NLGN1: variants seen among roughly 807,000 people sequenced by gnomAD.
NLGN1 encodes neuroligin 1.
NLGN1 carries 12 observed loss-of-function variants against 65.5 expected under a neutral mutation model. That is an observed-to-expected ratio of 0.18 (90% CI 0.12 to 0.30). The LOEUF (loss-of-function observed/expected upper bound fraction) is 0.30, where lower values mean the gene tolerates loss of function less well. Among genes scored for constraint, NLGN1 ranks in the 10% least tolerant of loss-of-function variants. NLGN1 has a pLI of 1.00. For missense variants in NLGN1, 750 were observed against 1,007.1 expected, an observed-to-expected ratio of 0.74 and a Z score of 3.46; for synonymous variants, 350 against 359.5, an observed-to-expected ratio of 0.97 and a Z score of 0.30.
chr3:174,285,438 A>G (rs1751999897), exon 7 of NLGN1: 1 of 151,438 alleles, frequency 6.6e-6, no homozygotes, highest in Non-Finnish European at 1.5e-5. Context: ...GTTATCATTC[A>G]TTTGATTATC....
chr3:173,511,118 G>A (rs1523341), intron 2 of NLGN1, among the ~76,000 whole-genome samples: 5 of 151,536 alleles, frequency 3.3e-5, no homozygotes, highest in African/African-American at 1.2e-4. Context: ...ATATGAAGGC[G>A]TCTCATTTAG....
intron 3 of NLGN1, among the ~76,000 whole-genome samples, chr3:173,654,949 A>G (rs1759762729): frequency 1.3e-5 from 2 of 152,196 alleles, no homozygotes; most frequent in South Asian, 4.1e-4. Context: ...GTGGTCACAG[A>G]TACTGAAGCC....
chr3:174,257,967 T>C (rs1746123219), intron 4 of NLGN1, among the ~76,000 whole-genome samples: 1 of 151,312 alleles, frequency 6.6e-6, no homozygotes, highest in African/African-American at 2.4e-5. Context: ...GTAATTTTAA[T>C]TCACATTCAT....
At chr3:173,565,509 A>G (rs908365515) in intron 2 of NLGN1, among the ~76,000 whole-genome samples, 1 of 152,186 alleles carries the variant, frequency 6.6e-6, no homozygotes, top group African/African-American at 2.4e-5. Context: ...AGAAAGCTAT[A>G]TATCTACTTC....
intron 2 of NLGN1, among the ~76,000 whole-genome samples, chr3:173,454,327 C>T (rs73036245): frequency 0.031 from 4,788 of 152,254 alleles, 243 homozygotes; most frequent in African/African-American, 0.11. Flanking sequence ...CTTAAGTCTC[C>T]GGTTGCATTA....
At chr3:173,948,566 T>C (rs972093163) in intron 4 of NLGN1, among the ~76,000 whole-genome samples, 2 of 152,062 alleles carry the variant, frequency 1.3e-5, no homozygotes, top group African/African-American at 4.8e-5. Context: ...AGGAGAAAGA[T>C]TGCCCCTGAA....
At chr3:174,255,435 CAAAAAAAAAAA>C (rs71162383) in intron 4 of NLGN1, among the ~76,000 whole-genome samples, 3 of 70,220 alleles carry the variant, frequency 4.3e-5, no homozygotes, top group Admixed American at 3.7e-4. Context: ...GACTCTGTCT[CAAAAAAAAAAA>C]AAAAAAAAAA....
At chr3:173,400,182 A>T (rs1225662151) in intron 1 of NLGN1, among the ~76,000 whole-genome samples, 1 of 152,178 alleles carries the variant, frequency 6.6e-6, no homozygotes, top group Non-Finnish European at 1.5e-5. Context: ...CAATAGGAAG[A>T]TATGATTTTT....
intron 2 of NLGN1, among the ~76,000 whole-genome samples, chr3:173,563,780 C>T (rs374217634): frequency 1.3e-5 from 2 of 152,174 alleles, no homozygotes; most frequent in Admixed American, 6.5e-5. Context: ...ATTACATCCA[C>T]CCCAGTTAAA....
chr3:173,822,735 C>G (rs371584240), intron 4 of NLGN1, among the ~76,000 whole-genome samples: 1 of 152,148 alleles, frequency 6.6e-6, no homozygotes, highest in East Asian at 1.9e-4. Context: ...AAGAGCTTCT[C>G]TGTGGCTTGC....
intron 4 of NLGN1, among the ~76,000 whole-genome samples, chr3:174,106,554 A>G (rs1713856285): frequency 6.6e-6 from 1 of 152,100 alleles, no homozygotes; most frequent in Non-Finnish European, 1.5e-5. Flanking sequence ...TTTTATTTTT[A>G]GATAATTATA....
chr3:173,958,313 A>G (rs1359837904), intron 4 of NLGN1, among the ~76,000 whole-genome samples: 1 of 152,202 alleles, frequency 6.6e-6, no homozygotes, highest in Non-Finnish European at 1.5e-5. Flanking sequence ...CAAGGTAAAG[A>G]GGAGCTTTAC....
chr3:174,034,440 C>T (rs1730687995), intron 4 of NLGN1, among the ~76,000 whole-genome samples: 1 of 151,838 alleles, frequency 6.6e-6, no homozygotes, highest in African/African-American at 2.4e-5. Flanking sequence ...TTTTCTTATA[C>T]TTAATTGACC....
intron 3 of NLGN1, among the ~76,000 whole-genome samples, chr3:173,703,400 T>C (rs977963072): frequency 2.0e-5 from 3 of 152,198 alleles, no homozygotes; most frequent in Non-Finnish European, 4.4e-5. Context: ...CAACAGATAA[T>C]GCTGCCTGAT....
chr3:173,593,543 T>C (rs183011632), intron 2 of NLGN1, among the ~76,000 whole-genome samples: 28 of 152,318 alleles, frequency 1.8e-4, no homozygotes, highest in African/African-American at 6.0e-4. Context: ...GGAGTATTTT[T>C]ATGACTTGAA....
chr3:173,695,379 A>G (rs1426907699), intron 3 of NLGN1, among the ~76,000 whole-genome samples: 1 of 152,180 alleles, frequency 6.6e-6, no homozygotes, highest in Non-Finnish European at 1.5e-5. Context: ...GTAGGAAAAG[A>G]TAATTAGGTT....
intron 2 of NLGN1, among the ~76,000 whole-genome samples, chr3:173,461,263 G>T (rs1723328067): frequency 6.6e-6 from 1 of 152,082 alleles, no homozygotes; most frequent in African/African-American, 2.4e-5. Context: ...TGAGCACTAG[G>T]GGAATTTTAT....
chr3:173,940,080 C>CTTTGTTTTTTT (rs1745760512), intron 4 of NLGN1, among the ~76,000 whole-genome samples: 1 of 75,404 alleles, frequency 1.3e-5, no homozygotes, highest in African/African-American at 6.0e-5. Context: ...ATAGTTATAG[C>CTTTGTTTTTTT]TTTTTTTTTT....
chr3:173,512,558 G>T (rs1007998072), intron 2 of NLGN1, among the ~76,000 whole-genome samples: 1 of 152,186 alleles, frequency 6.6e-6, no homozygotes, highest in Non-Finnish European at 1.5e-5. Flanking sequence ...ATAGGCACAG[G>T]ATGGGGACAA....
Sources: allele counts gnomAD v4.1 joint callset (sites outside exome capture counted in the v4.1 genomes callset), GRCh38; gene constraint gnomAD v4.1.1; transcripts MANE v1.5; gene names NCBI Gene and HGNC (gene_info 2026-07-23, HGNC 2026-07-21).